CFAP54: variants seen among roughly 807,000 people sequenced by gnomAD.
CFAP54 encodes the protein cilia- and flagella-associated protein 54.
A neutral mutation model predicts 370.4 loss-of-function variants in CFAP54; 290 were observed. The observed-to-expected ratio is 0.78, with a 90% CI of 0.71 to 0.86. The LOEUF (loss-of-function observed/expected upper bound fraction) is 0.86, where lower values mean the gene tolerates loss of function less well. Among genes scored for constraint, CFAP54 ranks in the 40% least tolerant of loss-of-function variants. CFAP54 has a pLI of 0.00. For synonymous variants in CFAP54, 1,206 were observed against 1,236.5 expected (o/e 0.98, Z 0.52); for missense variants, 3,399 against 3,528.7 (o/e 0.96, Z 0.93).
intron 8 of CFAP54, among the ~76,000 whole-genome samples, chr12:96,522,955 G>A (rs1462796200): frequency 2.0e-5 from 3 of 152,184 alleles, no homozygotes; most frequent in Non-Finnish European, 4.4e-5. Flanking sequence ...ACAGGGCAGG[G>A]AGTAGGCAAA....
chr12:96,511,383 A>G (rs1955165183), intron 4 of CFAP54, among the ~76,000 whole-genome samples: 1 of 152,158 alleles, frequency 6.6e-6, no homozygotes, highest in East Asian at 1.9e-4. Flanking sequence ...CAATGGCGCA[A>G]TCTTGGCTCA....
At chr12:96,807,777 A>G (rs555814792) in intron 63 of CFAP54, among the ~76,000 whole-genome samples, 70 of 152,284 alleles carry the variant, frequency 4.6e-4, no homozygotes, top group Middle Eastern at 6.8e-3. Context: ...CTAAGAGAAT[A>G]TGAAGAATGA....
At chr12:96,550,603 A>G (rs1323458124) in intron 15 of CFAP54, among the ~76,000 whole-genome samples, 3 of 152,096 alleles carry the variant, frequency 2.0e-5, no homozygotes, top group Non-Finnish European at 2.9e-5. Flanking sequence ...AATAAAAGGG[A>G]TATCTTTTAG....
intron 44 of CFAP54, among the ~76,000 whole-genome samples, chr12:96,693,501 C>T (rs1365560022): frequency 1.3e-5 from 2 of 152,182 alleles, no homozygotes; most frequent in African/African-American, 2.4e-5. Flanking sequence ...ATGGCATCTA[C>T]TGGGAACTGT....
At chr12:96,615,896 C>T (rs1956411281) in intron 26 of CFAP54, among the ~76,000 whole-genome samples, 1 of 152,218 alleles carries the variant, frequency 6.6e-6, no homozygotes, top group East Asian at 1.9e-4. Context: ...GAAATAGGAA[C>T]ACTTTTACAC....
chr12:96,874,814 A>G (rs1471046318), intron 67 of CFAP54, among the ~76,000 whole-genome samples: 1 of 151,070 alleles, frequency 6.6e-6, no homozygotes, highest in African/African-American at 2.4e-5. Context: ...TATTTTTAGT[A>G]GAGACGGGGT....
At chr12:96,768,710 CA>C (rs1178623751) in intron 60 of CFAP54, among the ~76,000 whole-genome samples, 1 of 151,866 alleles carries the variant, frequency 6.6e-6, no homozygotes, top group African/African-American at 2.4e-5. Flanking sequence ...CAAAAACAAA[CA>C]AAAAAAGAAG....
At chr12:96,562,638 C>A (rs1241730555) in intron 17 of CFAP54, among the ~76,000 whole-genome samples, 1 of 151,900 alleles carries the variant, frequency 6.6e-6, no homozygotes, top group Non-Finnish European at 1.5e-5. Context: ...CCATGTTGGC[C>A]AGGCTGGTCT....
chr12:96,658,213 A>G lies in CFAP54; in HGVS notation c.5327A>G (p.Glu1776Gly), dbSNP rs1956946072. Residue 1776 changes from glutamate to glycine, a missense_variant and splice_region_variant, in exon 38 of 68, where the codon GAG (glutamate) becomes GGG (glycine). Glu to Gly is a moderately conservative substitution (Grantham distance 98, BLOSUM62 -2). Around this residue, in one of 3 missense-constraint regions of CFAP54, gnomAD observed 2,796 missense variants for 2,869.7 expected, o/e 0.97. Coordinates refer to ENST00000524981, the MANE Select transcript of CFAP54 (RefSeq NM_001306084.2). ...LAIQFNTVSH[E>G]RYTEQVTPLL... ...ATGTATTCTTTACCCCTGTCTAGTGAGAGGTATACAGAACAAGTGACACCA... is the reference window on the plus strand; with the variant it reads ...ATGTATTCTTTACCCCTGTCTAGTGGGAGGTATACAGAACAAGTGACACCA... The G allele has an allele frequency of 1.9e-6, 3 of 1,612,526 alleles. No homozygotes were observed. The highest frequency in any genetic ancestry group is 2.5e-6 in the Non-Finnish European group (3 of 1,179,602).
chr12:96,693,028 G>C (rs1957402773), intron 44 of CFAP54, among the ~76,000 whole-genome samples: 1 of 152,152 alleles, frequency 6.6e-6, no homozygotes, highest in South Asian at 2.1e-4. Context: ...TTGAAATATT[G>C]ATGGTCTATA....
intron 50 of CFAP54, among the ~76,000 whole-genome samples, chr12:96,735,250 T>C (rs1482406937): frequency 6.6e-6 from 1 of 152,184 alleles, no homozygotes; most frequent in Non-Finnish European, 1.5e-5. Flanking sequence ...TGGGAAAACT[T>C]TTTTTCAAAT....
intron 14 of CFAP54, among the ~76,000 whole-genome samples, chr12:96,542,878 G>A (rs1419691241): frequency 6.6e-6 from 1 of 152,088 alleles, no homozygotes; most frequent in African/African-American, 2.4e-5. Flanking sequence ...ATCTCTAGTG[G>A]TTTCTCTCCT....
At chr12:96,492,720 C>G (rs901461583) in intron 1 of CFAP54, among the ~76,000 whole-genome samples, 2 of 152,138 alleles carry the variant, frequency 1.3e-5, no homozygotes, top group African/African-American at 4.8e-5. Context: ...TGGCCTGGTG[C>G]AGTGGCTTAC....
intron 14 of CFAP54, among the ~76,000 whole-genome samples, chr12:96,543,095 A>G (rs1955595648): frequency 6.6e-6 from 1 of 152,220 alleles, no homozygotes; most frequent in African/African-American, 2.4e-5. Flanking sequence ...TTTCAGCAAC[A>G]GTACTTCATA....
At chr12:96,650,136 T>A (rs1956842502) in intron 35 of CFAP54, 64 bp downstream of exon 35, 1 of 1,312,684 alleles carries the variant, frequency 7.6e-7, no homozygotes, top group Admixed American at 2.3e-5. Context: ...ACTTGGGCGT[T>A]TAAGATACAT....
intron 30 of CFAP54, among the ~76,000 whole-genome samples, chr12:96,629,335 G>C (rs1013795701): frequency 1.3e-5 from 2 of 151,412 alleles, no homozygotes; most frequent in South Asian, 4.2e-4. Flanking sequence ...ACAGAGTCTC[G>C]GTCTGTCGCC....
chr12:96,691,191 A>G lies in CFAP54; in HGVS notation c.6145A>G (p.Thr2049Ala). The G allele has an allele frequency of 6.2e-7, 1 of 1,613,668 alleles. No individual in the cohort carries two copies. Among genetic ancestry groups the G allele is most frequent in the East Asian group, 2.2e-5 (1 of 44,820 alleles). The change falls in exon 44 of 68, where the codon ACT (threonine) becomes GCT (alanine). Residue 2049 changes from threonine (T) to alanine (A), a missense_variant. Around this residue, in one of 3 missense-constraint regions of CFAP54, gnomAD observed 2,796 missense variants for 2,869.7 expected, o/e 0.97. Coordinates refer to ENST00000524981, the MANE Select transcript of CFAP54 (RefSeq NM_001306084.2). ...ACGTTGCTATGCTCAATATGAAATC[A>G]CTCAGCTTCTCCCAGGCATTGAACT... is the stretch of plus-strand genomic sequence containing the variant. ...AERCYAQYEI[T>A]QLLPGIELFS...
chr12:96,664,029 A>G, intron 39 of CFAP54, 97 bp downstream of exon 39: 1 of 926,704 alleles, frequency 1.1e-6, no homozygotes, highest in Non-Finnish European at 1.7e-6. Flanking sequence ...TATGTTTGTA[A>G]AAATGTATTT....
intron 63 of CFAP54, among the ~76,000 whole-genome samples, chr12:96,808,742 A>T (rs1257962856): frequency 6.6e-6 from 1 of 152,182 alleles, no homozygotes; most frequent in East Asian, 1.9e-4. Context: ...TCTATAAAAA[A>T]TGCAGACCAG....
Sources: allele counts gnomAD v4.1 joint callset (sites outside exome capture counted in the v4.1 genomes callset), GRCh38; gene constraint gnomAD v4.1.1; regional missense constraint gnomAD v4.1.1; transcripts MANE v1.5; gene names NCBI Gene and HGNC (gene_info 2026-07-23, HGNC 2026-07-21).